The following TBK1 variants were observed in gnomAD, a reference collection of about 807,000 sequenced individuals.
TBK1 encodes the protein TANK binding kinase 1, also known as serine/threonine-protein kinase TBK1.
TBK1 carries 37 observed loss-of-function variants against 99.9 expected under a neutral mutation model. The ratio of observed to expected loss-of-function variants is 0.37; its 90% CI spans 0.28 to 0.49. The LOEUF is 0.49. TBK1 is among the 20% of genes least tolerant of loss of function. The probability of loss-of-function intolerance (pLI) is 0.98; values close to 1 mark genes in which losing one functional copy is unlikely to be tolerated. For synonymous variants in TBK1, 258 were observed against 279.8 expected, an observed-to-expected ratio of 0.92 and a Z score of 0.78; for missense variants, 644 against 872.5, an observed-to-expected ratio of 0.74 and a Z score of 3.30.
intron 6 of TBK1, among the ~76,000 whole-genome samples, chr12:64,477,186 T>C (rs1039398180): frequency 4.6e-5 from 7 of 152,246 alleles, no homozygotes; most frequent in African/African-American, 7.2e-5. Flanking sequence ...TAGAATAGTT[T>C]TTTCTAATTC....
At chr12:64,466,221 T>G (rs1424073714) in intron 4 of TBK1, among the ~76,000 whole-genome samples, 1 of 152,134 alleles carries the variant, frequency 6.6e-6, no homozygotes, top group East Asian at 1.9e-4. Flanking sequence ...CCCCTAAACC[T>G]TTTACATATT....
intron 8 of TBK1, among the ~76,000 whole-genome samples, chr12:64,483,112 A>G (rs1477861110): frequency 6.6e-6 from 1 of 152,254 alleles, no homozygotes; most frequent in African/African-American, 2.4e-5. Context: ...ATCGTTAATA[A>G]TAACTTAATT....
chr12:64,452,982 C>T (rs915567844), intron 1 of TBK1: 1 of 152,206 alleles, frequency 6.6e-6, no homozygotes, highest in Admixed American at 6.5e-5. Flanking sequence ...TAGGCCATGT[C>T]GTCAAACCTG....
chr12:64,491,419 A>C (rs540910561), intron 13 of TBK1, among the ~76,000 whole-genome samples: 21 of 152,170 alleles, frequency 1.4e-4, no homozygotes, highest in African/African-American at 3.9e-4. Context: ...CCAGGAATTC[A>C]AGACCAGCCT....
chr12:64,495,744 C>T lies in TBK1; in HGVS notation c.1689C>T (p.Tyr563=). Residue 563 remains tyrosine (Y), a synonymous_variant, in exon 15 of 21, where the codon TAC becomes TAT. Coordinates refer to ENST00000331710, the MANE Select transcript of TBK1 (RefSeq NM_013254.4). ...QVLLNCMTEI[Y]YQFKKDKAER... ...TGTTAAATTGCATGACAGAGATTTACTATCAGTTCAAAAAAGACAAAGCAG... is the reference window on the plus strand; with the variant it reads ...TGTTAAATTGCATGACAGAGATTTATTATCAGTTCAAAAAAGACAAAGCAG... 6.2e-7 allele frequency: 1 copy of T among 1,600,358 alleles called. No individual in the cohort carries two copies. Among genetic ancestry groups the T allele is most frequent in the Non-Finnish European group, 8.5e-7 (1 of 1,175,278 alleles).
At chr12:64,474,096 A>C in intron 5 of TBK1, 134 bp from the exon 6 acceptor site, 1 of 813,662 alleles carries the variant, frequency 1.2e-6, no homozygotes, top group Non-Finnish European at 1.9e-6. Context: ...GATGTGAAAT[A>C]GTCTTTTCAG....
chr12:64,487,315 T>C (rs1178890362), intron 11 of TBK1, among the ~76,000 whole-genome samples: 1 of 152,276 alleles, frequency 6.6e-6, no homozygotes, highest in Non-Finnish European at 1.5e-5. Flanking sequence ...TCGCTATGTA[T>C]GTGCCCTTGG....
chr12:64,496,788 C>A (rs928191465), intron 16 of TBK1, among the ~76,000 whole-genome samples, 161 bp from the exon 17 acceptor site: 2 of 152,130 alleles, frequency 1.3e-5, no homozygotes, highest in African/African-American at 4.8e-5. Flanking sequence ...CTTCTTGCTG[C>A]TATAATGTCT....
intron 3 of TBK1, among the ~76,000 whole-genome samples, chr12:64,462,249 G>C (rs1473428740): frequency 1.3e-5 from 2 of 152,128 alleles, no homozygotes; most frequent in Non-Finnish European, 2.9e-5. Context: ...AGTAGCCAAG[G>C]GCAAAGCCTG....
chr12:64,468,787 A>G (rs1479267704), intron 5 of TBK1, among the ~76,000 whole-genome samples: 1 of 152,220 alleles, frequency 6.6e-6, no homozygotes, highest in Non-Finnish European at 1.5e-5. Context: ...TTTGAGGACT[A>G]AATGAACTGA....
At chr12:64,464,633 A>G (rs1173189651) in intron 4 of TBK1, among the ~76,000 whole-genome samples, 170 bp downstream of exon 4, 1 of 152,192 alleles carries the variant, frequency 6.6e-6, no homozygotes, top group African/African-American at 2.4e-5. Flanking sequence ...AGCATTAAAC[A>G]TTTTTGGGCC....
In TBK1 at chr12:64,501,260, A is replaced by G. The variant is rs924796363; in HGVS notation, c.2139-70A>G. The G allele has an allele frequency of 7.7e-6, 11 of 1,426,386 alleles. No individual in the cohort carries two copies. In the East Asian group the frequency reaches 2.5e-4, roughly 32 times the overall value. 88.4% of individuals were successfully genotyped at this position (1,426,386 alleles called of 1,614,324 possible). On this transcript the variant is annotated intron_variant, in intron 20 of 20. Coordinates refer to ENST00000331710, the MANE Select transcript of TBK1 (RefSeq NM_013254.4). The stretch of plus-strand genomic sequence containing the variant: ...TATTTATTCCTCTGAAAAGTATTTT[A>G]AGGTTGGGGGCCTTTATACATAAAT...
chr12:64,497,141 A>G (rs765539349), intron 17 of TBK1, 22 bp from the exon 18 acceptor site: 27 of 1,586,306 alleles, frequency 1.7e-5, no homozygotes, highest in Middle Eastern at 1.7e-4. Flanking sequence ...CTGCATATCA[A>G]TTGATTCTTT....
intron 1 of TBK1, chr12:64,453,038 G>A (rs1036529037): frequency 6.6e-6 from 1 of 152,208 alleles, no homozygotes; most frequent in East Asian, 1.9e-4. Context: ...GACGGTGTAA[G>A]GAAGTAGGCT....
chr12:64,487,376 C>G (rs2040830102), intron 11 of TBK1, among the ~76,000 whole-genome samples: 1 of 152,174 alleles, frequency 6.6e-6, no homozygotes, highest in Admixed American at 6.5e-5. Context: ...CCCACCCCGT[C>G]TTGCAAAAGT....
chr12:64,464,706 AT>A (rs1340022825), intron 4 of TBK1, among the ~76,000 whole-genome samples: 3 of 152,178 alleles, frequency 2.0e-5, no homozygotes, highest in African/African-American at 7.2e-5. Flanking sequence ...TTTGTAAATC[AT>A]ACACCTGACA....
intron 1 of TBK1, among the ~76,000 whole-genome samples, 191 bp from the exon 2 acceptor site, chr12:64,455,649 A>AT (rs2040478470): frequency 6.6e-6 from 1 of 152,258 alleles, no homozygotes; most frequent in South Asian, 2.1e-4. Context: ...TGACTTGTTC[A>AT]TACCATATCA....
At chr12:64,455,593 G>A (rs1336746579) in intron 1 of TBK1, among the ~76,000 whole-genome samples, 2 of 152,208 alleles carry the variant, frequency 1.3e-5, no homozygotes, top group South Asian at 4.1e-4. Context: ...ATTCAGATCC[G>A]TCTCTCCAGA....
At chr12:64,470,992 A>G (rs974146103) in intron 5 of TBK1, among the ~76,000 whole-genome samples, 11 of 152,200 alleles carry the variant, frequency 7.2e-5, no homozygotes, top group African/African-American at 4.8e-5. Flanking sequence ...AAATATTCAA[A>G]TACAGTGCAC....
Sources: allele counts gnomAD v4.1 joint callset (sites outside exome capture counted in the v4.1 genomes callset), GRCh38; gene constraint gnomAD v4.1.1; transcripts MANE v1.5; gene names NCBI Gene and HGNC (gene_info 2026-07-23, HGNC 2026-07-21).